Variants in ARID1B observed in about 807,000 individuals in gnomAD.
ARID1B encodes AT-rich interaction domain 1B.
ARID1B carries 30 observed loss-of-function variants against 212.3 expected under a neutral mutation model. The ratio of observed to expected loss-of-function variants is 0.14; its 90% CI spans 0.11 to 0.19. The LOEUF (loss-of-function observed/expected upper bound fraction) is 0.19, where lower values mean the gene tolerates loss of function less well. Among genes scored for constraint, ARID1B ranks in the 10% least tolerant of loss-of-function variants. The probability of loss-of-function intolerance (pLI) is 1.00; values close to 1 mark genes in which losing one functional copy is unlikely to be tolerated. For synonymous variants in ARID1B, 1,402 were observed against 1,301.7 expected, an observed-to-expected ratio of 1.08 and a Z score of -1.66; for missense variants, 2,891 against 3,204.0, an observed-to-expected ratio of 0.90 and a Z score of 2.36.
intron 9 of ARID1B, chr6:157,169,080 G>GC (rs746630419): frequency 1.4e-5 from 2 of 145,044 alleles, no homozygotes; most frequent in Admixed American, 1.3e-4. Context: ...TTACAGCACA[G>GC]CCCCTGTGAG....
At chr6:156,905,250 G>GCACACACACACACACACACACACA (rs138326649) in intron 3 of ARID1B, among the ~76,000 whole-genome samples, 83 of 143,834 alleles carry the variant, frequency 5.8e-4, no homozygotes, top group East Asian at 2.9e-3. Flanking sequence ...ACATATGCAC[G>GCACACACACACACACACACACACA]CACACACACA....
chr6:157,111,797 A>G (rs1583324651), intron 6 of ARID1B, among the ~76,000 whole-genome samples: 1 of 152,206 alleles, frequency 6.6e-6, no homozygotes, highest in South Asian at 2.1e-4. Context: ...AATTTAAGGT[A>G]TAGTCGATAA....
In ARID1B at chr6:157,039,085, G is replaced by C. The variant is rs545024194; in HGVS notation, c.2248-45577G>C. 7.2e-5 allele frequency among the ~76,000 whole-genome samples: 11 copies of C among 151,940 alleles called. No homozygotes were observed. In the East Asian group the frequency reaches 1.2e-3, roughly 16 times the overall value. On this transcript the variant is annotated intron_variant, in intron 4 of 19. Transcript: ENST00000636930. Reference sequence around the variant, plus strand: ...CAGGTCTAACTATGTTGCCCAGGCTGGTCTTGAACTCCTCGCCTCAAGTGA... The same window carrying C: ...CAGGTCTAACTATGTTGCCCAGGCTCGTCTTGAACTCCTCGCCTCAAGTGA...
intron 4 of ARID1B, among the ~76,000 whole-genome samples, chr6:156,949,210 G>A (rs1160954364): frequency 6.6e-6 from 1 of 151,966 alleles, no homozygotes; most frequent in Non-Finnish European, 1.5e-5. Context: ...TGACTTAATT[G>A]GCATTTTCTA....
intron 5 of ARID1B, among the ~76,000 whole-genome samples, chr6:157,106,705 A>G (rs75412430): frequency 0.055 from 8,352 of 152,310 alleles, 349 homozygotes; most frequent in Non-Finnish European, 0.086. Flanking sequence ...TTTGGATAGA[A>G]TTACAGGTTC....
chr6:156,949,896 T>G (rs1020208582), intron 4 of ARID1B, among the ~76,000 whole-genome samples: 6 of 152,212 alleles, frequency 3.9e-5, no homozygotes, highest in African/African-American at 1.2e-4. Context: ...CGAGTGAAGA[T>G]GAAGGGGTGA....
chr6:157,071,940 G>A (rs1784028948), intron 4 of ARID1B: 1 of 152,140 alleles, frequency 6.6e-6, no homozygotes, highest in African/African-American at 2.4e-5. Context: ...TTTTTCAGAA[G>A]TTTTCCTCAG....
In ARID1B at chr6:157,207,833, T is replaced by A; in HGVS notation, c.7061T>A (p.Leu2354Gln). 6.6e-7 allele frequency: 1 copy of A among 1,523,616 alleles called. No homozygotes were observed. The highest frequency in any genetic ancestry group is 2.3e-5 in the East Asian group (1 of 43,956). 94.4% of individuals were successfully genotyped at this position (1,523,616 alleles called of 1,614,324 possible). The change falls in exon 20 of 20, where the codon CTG becomes CAG. Residue 2354 changes from leucine to glutamine, a missense_variant. Transcript: ENST00000636930. This position sits in a 1 kb window ranked among gnomAD's most constrained non-coding sequence, Gnocchi z 8.5. ...RLLDISISAV[L>Q]NSLVASVICD... ...CTGGATATCTCGATATCAGCTGTCC[T>A]GAACTCTCTGGTTGCATCTGTCATC...
In ARID1B at chr6:157,110,488, G is replaced by A. The variant is rs190653632; in HGVS notation, c.2508G>A (p.Pro836=). The A allele has an allele frequency of 3.7e-5, 59 of 1,613,972 alleles. 1 individual carries two copies. In the East Asian group the frequency reaches 9.1e-4, roughly 25 times the overall value. Residue 836 remains proline (P), a synonymous_variant, in exon 6 of 20, where the codon CCG becomes CCA. Transcript: ENST00000636930. The part of the protein sequence containing the change: ...PASIPGSQMP[P]QPPGSQSESS... The stretch of plus-strand genomic sequence containing the variant: ...GTTTTACAGGTAGTCAGATGCCTCC[G>A]CAGCCACCCGGGAGCCAGTCAGAAT...
chr6:156,868,768 A>G (rs2128140054), intron 2 of ARID1B, among the ~76,000 whole-genome samples: 1 of 152,384 alleles, frequency 6.6e-6, no homozygotes, highest in South Asian at 2.1e-4. Flanking sequence ...TTAAGACAAT[A>G]CAAAACAAAA....
At chr6:156,818,253 A>G (rs539836003) in intron 1 of ARID1B, among the ~76,000 whole-genome samples, 87 of 152,214 alleles carry the variant, frequency 5.7e-4, no homozygotes, top group Non-Finnish European at 1.2e-3. Flanking sequence ...TAATAGGGTC[A>G]TATCTCTGAA....
intron 3 of ARID1B, among the ~76,000 whole-genome samples, chr6:156,930,755 A>C: frequency 6.6e-6 from 1 of 152,054 alleles, no homozygotes; most frequent in Non-Finnish European, 1.5e-5. Context: ...GCAGATATAG[A>C]ATGAGCTCTA....
intron 2 of ARID1B, among the ~76,000 whole-genome samples, chr6:156,846,028 C>T (rs1174706230): frequency 4.6e-5 from 7 of 152,122 alleles, no homozygotes; most frequent in Admixed American, 1.3e-4. Context: ...TTCGTGGCTA[C>T]AATGGTTTAT....
intron 13 of ARID1B, among the ~76,000 whole-genome samples, chr6:157,188,810 G>T (rs985554373): frequency 1.3e-5 from 2 of 152,270 alleles, no homozygotes; most frequent in Middle Eastern, 6.8e-3. Context: ...GCGTGCTAAG[G>T]ACTGCAGTAG....
At chr6:157,052,797 G>T (rs549635493) in intron 4 of ARID1B, among the ~76,000 whole-genome samples, 7 of 152,276 alleles carry the variant, frequency 4.6e-5, no homozygotes, top group African/African-American at 1.4e-4. Context: ...TCGGCTCACT[G>T]CAACCTCTGA....
chr6:157,121,874 C>T (rs1179501669), intron 6 of ARID1B, among the ~76,000 whole-genome samples: 14 of 152,090 alleles, frequency 9.2e-5, no homozygotes, highest in South Asian at 2.1e-4. Context: ...GTGATCCACC[C>T]GCCTCAGCCT....
chr6:156,828,978 G>A (rs1031891298), intron 1 of ARID1B, among the ~76,000 whole-genome samples: 4 of 152,106 alleles, frequency 2.6e-5, no homozygotes, highest in African/African-American at 7.2e-5. Context: ...GTCCAAAATC[G>A]TTTTTAGTTT....
chr6:156,932,489 A>G (rs917844917), intron 3 of ARID1B, among the ~76,000 whole-genome samples: 4 of 152,218 alleles, frequency 2.6e-5, no homozygotes, highest in African/African-American at 9.6e-5. Flanking sequence ...CTGGCTGCTT[A>G]AACTTACAAA....
chr6:156,779,810 G>A (rs1019705284), intron 1 of ARID1B: 11 of 154,594 alleles, frequency 7.1e-5, no homozygotes, highest in African/African-American at 2.6e-4. Flanking sequence ...GGGGCGGCGG[G>A]GACCGTTCGG....
Sources: allele counts gnomAD v4.1 joint callset (sites outside exome capture counted in the v4.1 genomes callset), GRCh38; gene constraint gnomAD v4.1.1; non-coding constraint Gnocchi (gnomAD v3.1); transcripts MANE v1.5; gene names NCBI Gene and HGNC (gene_info 2026-07-23, HGNC 2026-07-21).